Variants in RBM6 observed in about 807,000 individuals in gnomAD.
RBM6 encodes the protein RNA-binding protein 6.
A neutral mutation model predicts 140.4 loss-of-function variants in RBM6; 23 were observed. The ratio of observed to expected loss-of-function variants is 0.16; its 90% CI spans 0.12 to 0.23. RBM6 has a LOEUF of 0.23. RBM6 is among the 10% of genes least tolerant of loss of function. RBM6 has a pLI of 1.00. For missense variants in RBM6, 1,139 were observed against 1,386.7 expected (o/e 0.82, Z 2.84); for synonymous variants, 439 against 475.6 (o/e 0.92, Z 1.00).
In RBM6 at chr3:49,968,650, G is replaced by A; in HGVS notation, c.1225G>A (p.Val409Met). The change falls in exon 3 of 21, where the codon GTG becomes ATG. Residue 409 changes from valine to methionine, a missense_variant. By Grantham distance (21) the Val-to-Met change is conservative (BLOSUM62 1). This residue lies in a region of RBM6 where 566 missense variants were observed against 612.7 expected (regional missense o/e 0.92). Coordinates refer to ENST00000266022, the MANE Select transcript of RBM6 (RefSeq NM_005777.3). The stretch of plus-strand genomic sequence containing the variant: ...TTACAGAAGCATGGAGTACCGTGAT[G>A]TGGATCATAGGCTGCCAGGAAGCCA... The part of the protein sequence containing the change: ...TDYRSMEYRD[V>M]DHRLPGSQMF... The A allele has an allele frequency of 1.9e-6, 3 of 1,614,018 alleles. No individual in the cohort carries two copies. The highest frequency in any genetic ancestry group is 2.5e-6 in the Non-Finnish European group (3 of 1,179,978).
At chr3:50,017,495 G>A (rs532099508) in intron 6 of RBM6, among the ~76,000 whole-genome samples, 17 of 150,802 alleles carry the variant, frequency 1.1e-4, no homozygotes, top group African/African-American at 3.2e-4. Flanking sequence ...GAGGTGGAGC[G>A]TGCAGTGAGC....
intron 1 of RBM6, among the ~76,000 whole-genome samples, chr3:49,956,328 C>CTTTTTTTTTTT (rs34467093): frequency 2.8e-5 from 2 of 72,006 alleles, no homozygotes; most frequent in Admixed American, 1.9e-4. Flanking sequence ...CCCTCCCCCG[C>CTTTTTTTTTTT]TTTTTTTTTT....
In RBM6 at chr3:49,988,462, C is replaced by T. The variant is rs539296722; in HGVS notation, c.1484-10978C>T. ...CCTGGCCTTCTTTTTTTTTTTTAAC[C>T]ACTATTTTTTAGAACTAGATTTGGC... On this transcript the variant is annotated intron_variant, in intron 5 of 20. Transcript: ENST00000266022. 4.0e-5 allele frequency among the ~76,000 whole-genome samples: 6 copies of T among 151,336 alleles called. No homozygotes were observed. In the East Asian group the frequency reaches 1.2e-3, roughly 29 times the overall value.
chr3:50,067,212 A>G (rs2090152116), intron 17 of RBM6, among the ~76,000 whole-genome samples: 1 of 149,918 alleles, frequency 6.7e-6, no homozygotes, highest in African/African-American at 2.5e-5. Flanking sequence ...AAAAAAAAAA[A>G]GCCGCAGCAG....
At chr3:50,022,292 T>TGCTAGTGTA (rs2087532598) in intron 6 of RBM6, among the ~76,000 whole-genome samples, 1 of 152,060 alleles carries the variant, frequency 6.6e-6, no homozygotes, top group Non-Finnish European at 1.5e-5. Flanking sequence ...TTTTTAATGT[T>TGCTAGTGTA]GCTAGTGTAG....
chr3:49,971,995 A>T, intron 3 of RBM6, 64 bp from the exon 4 acceptor site: 1 of 1,241,680 alleles, frequency 8.1e-7, no homozygotes, highest in Non-Finnish European at 1.2e-6. Flanking sequence ...GCTAAATTTC[A>T]TGTTGATTTG....
At chr3:50,037,728 T>C (rs2088627244) in intron 6 of RBM6, among the ~76,000 whole-genome samples, 1 of 152,036 alleles carries the variant, frequency 6.6e-6, no homozygotes, top group Non-Finnish European at 1.5e-5. Context: ...GGTCTCGAGC[T>C]CCTGGGTTCA....
At chr3:50,072,294 C>T (rs1461242037) in intron 19 of RBM6, among the ~76,000 whole-genome samples, 2 of 151,294 alleles carry the variant, frequency 1.3e-5, no homozygotes, top group Non-Finnish European at 2.9e-5. Flanking sequence ...CCTGTAATCC[C>T]AGCTACTCGG....
intron 2 of RBM6, among the ~76,000 whole-genome samples, chr3:49,963,726 G>C (rs1018539856): frequency 1.3e-5 from 2 of 152,046 alleles, no homozygotes; most frequent in Non-Finnish European, 2.9e-5. Flanking sequence ...CATACACACT[G>C]TATTTTAACT....
intron 6 of RBM6, among the ~76,000 whole-genome samples, chr3:50,024,652 G>A (rs895311410): frequency 4.3e-4 from 65 of 152,056 alleles, no homozygotes; most frequent in Admixed American, 3.6e-3. Flanking sequence ...ACCACCACCC[G>A]AATGAAAAAA....
At chr3:50,024,449 T>C (rs1300434951) in intron 6 of RBM6, among the ~76,000 whole-genome samples, 1 of 152,092 alleles carries the variant, frequency 6.6e-6, no homozygotes, top group Non-Finnish European at 1.5e-5. Flanking sequence ...CTCCCACAGG[T>C]AGTCACTGAG....
At chr3:50,004,413 G>A (rs1234080411) in intron 6 of RBM6, among the ~76,000 whole-genome samples, 3 of 145,798 alleles carry the variant, frequency 2.1e-5, no homozygotes, top group Admixed American at 1.4e-4. Flanking sequence ...CTCTTGTGCC[G>A]AAGTGATCCT....
intron 6 of RBM6, among the ~76,000 whole-genome samples, chr3:50,002,936 G>GT (rs770525593): frequency 2.0e-4 from 31 of 151,772 alleles, no homozygotes; most frequent in Admixed American, 3.9e-4. Flanking sequence ...CCAACAAGGT[G>GT]AAACCCCGTC....
At chr3:50,032,687 T>C (rs1317416682) in intron 6 of RBM6, among the ~76,000 whole-genome samples, 1 of 151,846 alleles carries the variant, frequency 6.6e-6, no homozygotes, top group Non-Finnish European at 1.5e-5. Flanking sequence ...ATGCTTCTTT[T>C]AAGAAATAGA....
At chr3:49,973,111 A>G (rs959521084) in intron 4 of RBM6, among the ~76,000 whole-genome samples, 4 of 152,036 alleles carry the variant, frequency 2.6e-5, no homozygotes, top group Middle Eastern at 3.2e-3. Context: ...CATTACAGGC[A>G]TGAGCCACCA....
chr3:49,954,914 A>G (rs1438865991), intron 1 of RBM6, among the ~76,000 whole-genome samples: 1 of 151,848 alleles, frequency 6.6e-6, no homozygotes, highest in Non-Finnish European at 1.5e-5. Flanking sequence ...GCACACTGCC[A>G]TGCCCAGCTA....
At chr3:50,052,148 T>A (rs2089495056) in intron 7 of RBM6, among the ~76,000 whole-genome samples, 1 of 152,216 alleles carries the variant, frequency 6.6e-6, no homozygotes, top group Non-Finnish European at 1.5e-5. Context: ...CACGACAACC[T>A]CCACCTCCCA....
intron 11 of RBM6, among the ~76,000 whole-genome samples, 194 bp downstream of exon 11, chr3:50,059,940 A>G (rs984774100): frequency 1.3e-5 from 2 of 152,174 alleles, no homozygotes; most frequent in Non-Finnish European, 2.9e-5. Context: ...CTTGAATAAT[A>G]CTAGGTACTT....
chr3:49,965,824 C>T (rs1470006976), intron 2 of RBM6, among the ~76,000 whole-genome samples: 2 of 151,780 alleles, frequency 1.3e-5, no homozygotes, highest in African/African-American at 4.8e-5. Context: ...TGTTAAATTC[C>T]TGTTACTTTA....
Sources: allele counts gnomAD v4.1 joint callset (sites outside exome capture counted in the v4.1 genomes callset), GRCh38; gene constraint gnomAD v4.1.1; regional missense constraint gnomAD v4.1.1; transcripts MANE v1.5; gene names NCBI Gene and HGNC (gene_info 2026-07-23, HGNC 2026-07-21).